Variants in SEC23A observed in about 807,000 individuals in gnomAD.
The protein encoded by SEC23A is SEC23 homolog A, COPII component.
A neutral mutation model predicts 103.7 loss-of-function variants in SEC23A; 56 were observed. The observed-to-expected ratio is 0.54, with a 90% confidence interval of 0.44 to 0.67. The LOEUF (loss-of-function observed/expected upper bound fraction) is 0.67, where lower values mean the gene tolerates loss of function less well. Ranked by LOEUF, SEC23A falls within the 30% of genes least tolerant of loss-of-function variation. The pLI is 0.00. For synonymous variants in SEC23A, 281 were observed against 293.0 expected, an observed-to-expected ratio of 0.96 and a Z score of 0.42; for missense variants, 784 against 936.4, an observed-to-expected ratio of 0.84 and a Z score of 2.12.
At chr14:39,102,233 G>GA (rs113370517) in intron 1 of SEC23A, among the ~76,000 whole-genome samples, 91 of 141,280 alleles carry the variant, frequency 6.4e-4, no homozygotes, top group Middle Eastern at 3.8e-3. Context: ...CTCCGTCTCA[G>GA]AAAAAAAAAA....
rs1286631189 is a variant in SEC23A, at chr14:39,095,954, T to C, written c.165A>G (p.Gln55=). The change falls in exon 2 of 20, where the codon CAA becomes CAG. Residue 55 remains glutamine (Q), a synonymous_variant. Coordinates refer to ENST00000307712, the MANE Select transcript of SEC23A (RefSeq NM_006364.4). ...LKERPDLPPI[Q]YEPVLCSRTT... Reference sequence around the variant, plus strand: ...TCCTACTACACAGAACAGGTTCATATTGAATAGGTGGTAAGTCAGGTCTCT... The same window carrying C: ...TCCTACTACACAGAACAGGTTCATACTGAATAGGTGGTAAGTCAGGTCTCT... The C allele has an allele frequency of 2.5e-6, 4 of 1,614,180 alleles. No individual in the cohort carries two copies. Among genetic ancestry groups the C allele is most frequent in the South Asian group, 1.1e-5 (1 of 91,084 alleles).
intron 18 of SEC23A, 24 bp downstream of exon 18, chr14:39,040,708 C>G: frequency 6.2e-7 from 1 of 1,614,110 alleles, no homozygotes. Context: ...CAAACAAACA[C>G]ACAAACAAAT....
intron 13 of SEC23A, among the ~76,000 whole-genome samples, chr14:39,059,157 T>C (rs1886362041): frequency 6.6e-6 from 1 of 151,924 alleles, no homozygotes; most frequent in Admixed American, 6.6e-5. Flanking sequence ...AATTCCTAGA[T>C]CAAAGTCATT....
chr14:39,042,795 A>C lies in SEC23A; in HGVS notation c.1977T>G (p.Tyr659Ter). The change falls in exon 17 of 20, where the codon TAT (tyrosine) becomes TAG (stop). Residue 659 changes from tyrosine (Y) to a stop codon, truncating the protein, a stop_gained. Coordinates refer to ENST00000307712, the MANE Select transcript of SEC23A (RefSeq NM_006364.4). LOFTEE classifies it high-confidence loss of function. ...GCTATTGAAATCTTACCTCACCATG[A>C]TAAATCAAAATCTGGAAGAATGTGT... ...LMDTFFQILI[Y>*]HGETIAQWRK... 6.2e-7 allele frequency: 1 copy of C among 1,604,572 alleles called. No homozygotes were observed. Among genetic ancestry groups the C allele is most frequent in the Non-Finnish European group, 8.5e-7 (1 of 1,171,420 alleles).
At chr14:39,076,753 C>T (rs557422435) in intron 7 of SEC23A, among the ~76,000 whole-genome samples, 6 of 150,868 alleles carry the variant, frequency 4.0e-5, no homozygotes, top group African/African-American at 1.5e-4. Flanking sequence ...TGGTGAAATC[C>T]CATCTCTACT....
At chr14:39,076,637 A>C (rs1322517333) in intron 7 of SEC23A, among the ~76,000 whole-genome samples, 2 of 152,074 alleles carry the variant, frequency 1.3e-5, no homozygotes, top group Admixed American at 6.6e-5. Flanking sequence ...AGAACAACAA[A>C]AAAAAAGGCC....
intron 9 of SEC23A, among the ~76,000 whole-genome samples, chr14:39,073,808 C>G (rs1383450818): frequency 6.6e-6 from 1 of 151,904 alleles, no homozygotes; most frequent in Non-Finnish European, 1.5e-5. Flanking sequence ...CAGGGTTTCA[C>G]CATCTTGGCC....
At chr14:39,074,655 T>G (rs1385936609) in intron 8 of SEC23A, 125 bp from the exon 9 acceptor site, 1 of 646,816 alleles carries the variant, frequency 1.5e-6, no homozygotes, top group Non-Finnish European at 2.7e-6. Flanking sequence ...GATTAGTTAT[T>G]TAACTTTCTG....
At position 39,046,215 on chromosome 14, in the gene SEC23A, T is replaced by A. The variant is rs559442145; in HGVS notation, c.1738-891A>T. Among the ~76,000 whole-genome samples, 6 of 152,298 alleles carry A rather than the reference T, an allele frequency of 3.9e-5. No individual in the cohort carries two copies. The East Asian group carries it at 9.6e-4, about 24-fold the overall frequency. On this transcript the variant is annotated intron_variant, in intron 15 of 19. Transcript: ENST00000307712. Reference sequence around the variant, plus strand: ...TGGGCATGGTGGCTCACGCTTGTAATCCTAGCACTCTGGGAGGCCGAAGCA... The same window carrying A: ...TGGGCATGGTGGCTCACGCTTGTAAACCTAGCACTCTGGGAGGCCGAAGCA...
intron 5 of SEC23A, 100 bp from the exon 6 acceptor site, chr14:39,087,108 C>A: frequency 1.7e-5 from 13 of 756,766 alleles, no homozygotes; most frequent in Admixed American, 1.3e-4. Context: ...ATTAGAAACA[C>A]AAAAATAAAA....
chr14:39,036,926 G>A lies in SEC23A; in HGVS notation c.2208+2105C>T, dbSNP rs577767237. On this transcript the variant is annotated intron_variant, in intron 19 of 19. Transcript: ENST00000307712. ...ACACAATGCCACGAATAACCTCCTA[G>A]CCATCAAATCCAAGCACCTTTTCTC... Among the ~76,000 whole-genome samples the A allele has an allele frequency of 7.2e-5, 11 of 152,148 alleles. No homozygotes were observed. The South Asian group carries it at 2.3e-3, about 32-fold the overall frequency.
intron 1 of SEC23A, among the ~76,000 whole-genome samples, chr14:39,098,355 A>G (rs1887964962): frequency 6.6e-6 from 1 of 152,170 alleles, no homozygotes; most frequent in Non-Finnish European, 1.5e-5. Context: ...TTCTAAGACT[A>G]TGCAAACCTC....
chr14:39,042,927 TA>T, intron 16 of SEC23A, 55 bp from the exon 17 acceptor site: 1 of 1,018,714 alleles, frequency 9.8e-7, no homozygotes, highest in South Asian at 1.3e-5. Context: ...ATCTACTCAA[TA>T]ATATAAAATA....
At chr14:39,059,452 G>A (rs918092370) in intron 13 of SEC23A, among the ~76,000 whole-genome samples, 1 of 152,036 alleles carries the variant, frequency 6.6e-6, no homozygotes, top group Non-Finnish European at 1.5e-5. Flanking sequence ...TGTGCAAACT[G>A]AAAATATATA....
intron 14 of SEC23A, among the ~76,000 whole-genome samples, chr14:39,054,363 G>C (rs1044628703): frequency 6.6e-6 from 1 of 151,964 alleles, no homozygotes; most frequent in Non-Finnish European, 1.5e-5. Context: ...AAAAATCTAA[G>C]TAAATCAACA....
intron 12 of SEC23A, among the ~76,000 whole-genome samples, chr14:39,062,852 T>C (rs1168713893): frequency 6.6e-6 from 1 of 152,158 alleles, no homozygotes; most frequent in African/African-American, 2.4e-5. Flanking sequence ...AATTATCTCC[T>C]GTGGCAGAAA....
At chr14:39,065,737 G>A (rs1886637242) in intron 10 of SEC23A, among the ~76,000 whole-genome samples, 4 of 151,988 alleles carry the variant, frequency 2.6e-5, no homozygotes, top group South Asian at 2.1e-4. Context: ...GGTAGCTCAC[G>A]CCTGTAATCC....
At chr14:39,071,022 C>T (rs994690016) in intron 9 of SEC23A, among the ~76,000 whole-genome samples, 3 of 150,702 alleles carry the variant, frequency 2.0e-5, no homozygotes, top group Admixed American at 1.3e-4. Flanking sequence ...AGGGAAACTC[C>T]ATCTCAAAAA....
rs750853379 is a variant in SEC23A at position 39,059,278 on chromosome 14, T to TAA, written c.1505+2485_1505+2486dup. Among the ~76,000 whole-genome samples, 141 of 71,798 alleles carry TAA rather than the reference T, an allele frequency of 2.0e-3. 9 individuals are homozygous for TAA. The highest frequency in any genetic ancestry group is 5.6e-3 in the African/African-American group (109 of 19,474). The allele number at this position is 71,798 out of a possible 152,430, so 47.1% of individuals were successfully genotyped here. On this transcript the variant is annotated intron_variant, in intron 13 of 19. Coordinates refer to ENST00000307712, the MANE Select transcript of SEC23A (RefSeq NM_006364.4). ...GGCCCCTAAAGTCATAGTCCTAGTTTAAAAAAAAAAAAAAAAAAAAAAAAA... is the reference window on the plus strand; with the variant it reads ...GGCCCCTAAAGTCATAGTCCTAGTTTAAAAAAAAAAAAAAAAAAAAAAAAAAA...
Sources: allele counts gnomAD v4.1 joint callset (sites outside exome capture counted in the v4.1 genomes callset), GRCh38; gene constraint gnomAD v4.1.1; transcripts MANE v1.5; gene names NCBI Gene and HGNC (gene_info 2026-07-23, HGNC 2026-07-21).